The following SIPA1L3 variants were observed in gnomAD, a reference collection of about 807,000 sequenced individuals.
SIPA1L3 encodes the protein signal-induced proliferation-associated 1-like protein 3.
Under a neutral mutation model 150.1 loss-of-function variants are expected in SIPA1L3, and 59 were observed. The observed-to-expected ratio is 0.39, with a 90% CI of 0.32 to 0.49. The LOEUF is 0.49. SIPA1L3 is among the 20% of genes least tolerant of loss of function. The probability of loss-of-function intolerance (pLI) is 0.86; values close to 1 mark genes in which losing one functional copy is unlikely to be tolerated. For synonymous variants in SIPA1L3, 1,070 were observed against 1,077.6 expected (o/e 0.99, Z 0.14); for missense variants, 2,211 against 2,489.5 (o/e 0.89, Z 2.38).
In SIPA1L3 at chr19:38,138,623, C is replaced by T. The variant is rs375360011; in HGVS notation, c.3144-2561C>T. On this transcript the variant is annotated intron_variant, in intron 10 of 21. Coordinates refer to ENST00000222345, the MANE Select transcript of SIPA1L3 (RefSeq NM_015073.3). ...TTTTCGAAACAGTTCCAGAATAGGA[C>T]GTGGTGCCTCATGCCTGTAATCCTA... Among the ~76,000 whole-genome samples, 41 of 21,832 alleles carry T rather than the reference C, an allele frequency of 1.9e-3. No individual in the cohort carries two copies. In the East Asian group the frequency reaches 0.021, roughly 11 times the overall value. 14.3% of individuals were successfully genotyped at this position (21,832 alleles called of 152,430 possible). A position where few individuals can be genotyped will look rare whatever the true frequency, so the allele number is the denominator to read the frequency against.
At chr19:38,076,942 C>G (rs1266119636) in intron 2 of SIPA1L3, among the ~76,000 whole-genome samples, 1 of 152,058 alleles carries the variant, frequency 6.6e-6, no homozygotes, top group African/African-American at 2.4e-5. Context: ...TAAGGCATAC[C>G]TATAGATTGT....
At chr19:38,059,719 C>G (rs570279496) in intron 2 of SIPA1L3, among the ~76,000 whole-genome samples, 2 of 152,184 alleles carry the variant, frequency 1.3e-5, no homozygotes, top group East Asian at 3.9e-4. Flanking sequence ...AACCCGGGTC[C>G]AGAAAGAGAA....
At chr19:37,960,135 T>C (rs1184507611) in intron 1 of SIPA1L3, among the ~76,000 whole-genome samples, 1 of 152,200 alleles carries the variant, frequency 6.6e-6, no homozygotes, top group Non-Finnish European at 1.5e-5. Flanking sequence ...TTATTGTAAA[T>C]TGGAGTTATA....
At chr19:37,939,165 A>C (rs1599817012) in intron 1 of SIPA1L3, among the ~76,000 whole-genome samples, 2 of 152,092 alleles carry the variant, frequency 1.3e-5, no homozygotes, top group South Asian at 4.1e-4. Context: ...ATATGTTAGT[A>C]CAGATGTATG....
chr19:38,024,526 G>A (rs762900245), intron 1 of SIPA1L3, among the ~76,000 whole-genome samples: 2 of 152,036 alleles, frequency 1.3e-5, no homozygotes, highest in African/African-American at 2.4e-5. Context: ...TGGGGGTCTC[G>A]GGGAGCCCGG....
intron 10 of SIPA1L3, among the ~76,000 whole-genome samples, chr19:38,139,220 G>C (rs550331496): frequency 6.6e-6 from 1 of 152,062 alleles, no homozygotes; most frequent in Admixed American, 6.6e-5. Flanking sequence ...ACTGATGCTC[G>C]TTATCTCTCG....
chr19:37,909,621 G>A (rs1026838584), intron 1 of SIPA1L3, among the ~76,000 whole-genome samples: 1 of 152,224 alleles, frequency 6.6e-6, no homozygotes, highest in Non-Finnish European at 1.5e-5. Context: ...AGTGGCTGTG[G>A]ATGTGGCATG....
In SIPA1L3 at chr19:38,206,382, G is replaced by C; in HGVS notation, c.*142G>C. The C allele has an allele frequency of 1.0e-6, 1 of 998,960 alleles. No individual in the cohort carries two copies. The highest frequency in any genetic ancestry group is 2.9e-5 in the Admixed American group (1 of 34,284). 61.9% of individuals were successfully genotyped at this position (998,960 alleles called of 1,614,324 possible). A position where few individuals can be genotyped will look rare whatever the true frequency, so the allele number is the denominator to read the frequency against. On this transcript the variant is annotated 3_prime_UTR_variant, in exon 22 of 22. Coordinates refer to ENST00000222345, the MANE Select transcript of SIPA1L3 (RefSeq NM_015073.3). The stretch of plus-strand genomic sequence containing the variant: ...CCCCATGGACACGGAAACTCCGATG[G>C]CCTCACTAGGGCTGTGAGTCAGGGT...
intron 1 of SIPA1L3, among the ~76,000 whole-genome samples, chr19:37,998,025 C>A (rs1481854210): frequency 6.6e-6 from 1 of 152,200 alleles, no homozygotes; most frequent in Non-Finnish European, 1.5e-5. Flanking sequence ...CCAGCCCCAG[C>A]TGGTAAGAGC....
intron 12 of SIPA1L3, among the ~76,000 whole-genome samples, chr19:38,148,148 C>T (rs571822452): frequency 6.6e-6 from 1 of 151,588 alleles, no homozygotes; most frequent in Admixed American, 6.6e-5. Context: ...GTCAGGAGTT[C>T]GAGACCAGCC....
intron 1 of SIPA1L3, among the ~76,000 whole-genome samples, chr19:37,989,798 T>C (rs1271488748): frequency 6.6e-6 from 1 of 151,694 alleles, no homozygotes; most frequent in Non-Finnish European, 1.5e-5. Context: ...CCCCAGTAAG[T>C]AGCTGGGATT....
chr19:37,962,962 A>T (rs1351388238), intron 1 of SIPA1L3, among the ~76,000 whole-genome samples: 1 of 105,432 alleles, frequency 9.5e-6, no homozygotes, highest in Non-Finnish European at 2.2e-5. Context: ...TGTGGTATAG[A>T]CTCTTTTCTC....
intron 1 of SIPA1L3, among the ~76,000 whole-genome samples, chr19:37,986,456 C>T (rs1356314903): frequency 2.0e-5 from 3 of 152,322 alleles, no homozygotes; most frequent in East Asian, 3.9e-4. Context: ...AGGAGCTTGG[C>T]GTCTGGCAGT....
intron 19 of SIPA1L3, among the ~76,000 whole-genome samples, chr19:38,199,637 G>A (rs946455507): frequency 6.6e-6 from 1 of 152,140 alleles, no homozygotes; most frequent in Non-Finnish European, 1.5e-5. Flanking sequence ...GAAAGACCTG[G>A]GAGGAAGCAC....
At chr19:38,095,323 C>T (rs1600060821) in intron 4 of SIPA1L3, among the ~76,000 whole-genome samples, 2 of 152,094 alleles carry the variant, frequency 1.3e-5, no homozygotes, top group African/African-American at 4.8e-5. Context: ...AGCGACTTGC[C>T]CAGAGTCACA....
At position 38,201,919 on chromosome 19, in the gene SIPA1L3, C is replaced by G; in HGVS notation, c.5042C>G (p.Pro1681Arg). The G allele has an allele frequency of 1.9e-6, 3 of 1,614,038 alleles. No individual in the cohort carries two copies. In the Admixed American group the frequency reaches 5.0e-5, roughly 27 times the overall value. Reference protein sequence around the residue: ...LNDPALSPDIPPAHSPVHSHL... With the variant: ...LNDPALSPDIRPAHSPVHSHL... ...GACCCGGCCCTGAGCCCGGACATCC[C>G]GCCTGCACACAGTCCTGTCCACAGC... The change falls in exon 20 of 22, where the codon CCG becomes CGG. Residue 1681 changes from proline (P) to arginine (R), a missense_variant. Pro to Arg is a moderately radical substitution (Grantham distance 103). Transcript: ENST00000222345.
chr19:38,094,567 G>A (rs1256516536), intron 4 of SIPA1L3, among the ~76,000 whole-genome samples: 1 of 152,062 alleles, frequency 6.6e-6, no homozygotes, highest in African/African-American at 2.4e-5. Flanking sequence ...ATGTTTAAAT[G>A]AACAATCTCC....
chr19:38,100,985 C>A, intron 5 of SIPA1L3, 67 bp from the exon 6 acceptor site: 1 of 1,482,870 alleles, frequency 6.7e-7, no homozygotes, highest in South Asian at 1.4e-5. Flanking sequence ...TCAGACATAC[C>A]CCTTGCTCCC....
chr19:38,082,306 C>A lies in SIPA1L3; in HGVS notation c.741C>A (p.Gly247=). ...CCGAGCTCCTCCGGGCAGATCCTGGCCCACACCTCATGGGGGGCGGCGGCG... is the reference window on the plus strand; with the variant it reads ...CCGAGCTCCTCCGGGCAGATCCTGGACCACACCTCATGGGGGGCGGCGGCG... ...ALTELLRADP[G]PHLMGGGGGA... is the part of the protein sequence containing the mutation. Residue 247 remains glycine, a synonymous_variant, in exon 3 of 22, where the codon GGC becomes GGA. Transcript: ENST00000222345. The A allele has an allele frequency of 1.3e-6, 2 of 1,599,336 alleles. No homozygotes were observed. The highest frequency in any genetic ancestry group is 8.5e-7 in the Non-Finnish European group (1 of 1,179,174).
Sources: allele counts gnomAD v4.1 joint callset (sites outside exome capture counted in the v4.1 genomes callset), GRCh38; gene constraint gnomAD v4.1.1; transcripts MANE v1.5; gene names NCBI Gene and HGNC (gene_info 2026-07-23, HGNC 2026-07-21).